Variants in ADGRL3 observed in about 807,000 individuals in gnomAD.
ADGRL3 encodes adhesion G protein-coupled receptor L3, also known as calcium-independent alpha-latrotoxin receptor 3.
ADGRL3 carries 62 observed loss-of-function variants against 153.5 expected under a neutral mutation model. The observed-to-expected ratio is 0.40, with a 90% confidence interval of 0.33 to 0.50. ADGRL3 has a LOEUF of 0.50. ADGRL3 is among the 20% of genes least tolerant of loss of function. ADGRL3 has a pLI of 0.47. For synonymous variants in ADGRL3, 710 were observed against 672.5 expected (o/e 1.06, Z -0.86); for missense variants, 1,641 against 1,859.4 (o/e 0.88, Z 2.16).
In ADGRL3 at chr4:61,338,967, G is replaced by T. The variant is rs185028457; in HGVS notation, c.-239-44157G>T. ...CAAACTTAACTCATGTTTTACACAT[G>T]AAAAGTAATCCTTATCTATCCCACA... On this transcript the variant is annotated intron_variant, in intron 1 of 26. Transcript: ENST00000683033. Among the ~76,000 whole-genome samples the T allele has an allele frequency of 7.1e-4, 108 of 152,262 alleles. No homozygotes were observed. The Middle Eastern group carries it at 0.014, about 19-fold the overall frequency.
intron 5 of ADGRL3, among the ~76,000 whole-genome samples, chr4:61,607,301 C>A (rs983045483): frequency 5.3e-5 from 8 of 152,012 alleles, no homozygotes; most frequent in Non-Finnish European, 8.8e-5. Flanking sequence ...TGAAAAAAGT[C>A]TCAAAAGACC....
intron 21 of ADGRL3, among the ~76,000 whole-genome samples, chr4:62,003,841 A>G (rs1219206002): frequency 1.3e-5 from 2 of 152,088 alleles, no homozygotes; most frequent in African/African-American, 4.8e-5. Flanking sequence ...TGGAATGCTC[A>G]TTTGATTAAT....
At chr4:61,515,193 G>A (rs10029192) in intron 3 of ADGRL3, among the ~76,000 whole-genome samples, 79,668 of 151,832 alleles carry the variant, frequency 0.52, 22,717 homozygotes, top group East Asian at 0.73. Context: ...ATACCCAGCC[G>A]TTGTGCTATT....
intron 5 of ADGRL3, among the ~76,000 whole-genome samples, chr4:61,627,495 C>G (rs1183697506): frequency 2.0e-5 from 3 of 152,038 alleles, no homozygotes; most frequent in Non-Finnish European, 4.4e-5. Flanking sequence ...GTGGCGGGTG[C>G]CTGTGATCCC....
chr4:61,509,316 C>A (rs1056447802), intron 3 of ADGRL3, among the ~76,000 whole-genome samples: 1 of 151,934 alleles, frequency 6.6e-6, no homozygotes, highest in Non-Finnish European at 1.5e-5. Context: ...TTAGTAGAGA[C>A]AGGGTCTTGC....
At chr4:61,273,779 C>T (rs965754840) in intron 1 of ADGRL3, among the ~76,000 whole-genome samples, 1 of 152,040 alleles carries the variant, frequency 6.6e-6, no homozygotes, top group African/African-American at 2.4e-5. Flanking sequence ...CCCCGCACCC[C>T]GTGGAATTGG....
At chr4:61,900,913 G>C (rs149574478) in intron 11 of ADGRL3, among the ~76,000 whole-genome samples, 1 of 152,104 alleles carries the variant, frequency 6.6e-6, no homozygotes, top group Non-Finnish European at 1.5e-5. Context: ...CAAAATACCC[G>C]ATTTCTCACC....
chr4:61,968,496 A>T (rs183075492), intron 17 of ADGRL3, among the ~76,000 whole-genome samples: 1 of 152,190 alleles, frequency 6.6e-6, no homozygotes, highest in Non-Finnish European at 1.5e-5. Context: ...CTTTTGCTCC[A>T]TGCTTTGAAA....
chr4:61,547,764 A>T (rs1481245784), intron 4 of ADGRL3, among the ~76,000 whole-genome samples: 1 of 152,116 alleles, frequency 6.6e-6, no homozygotes, highest in Non-Finnish European at 1.5e-5. Flanking sequence ...CTTTGGGTAT[A>T]TACCCTATAA....
intron 21 of ADGRL3, among the ~76,000 whole-genome samples, chr4:62,013,615 C>A (rs2099197361): frequency 6.6e-6 from 1 of 151,904 alleles, no homozygotes; most frequent in Non-Finnish European, 1.5e-5. Context: ...AACGGCCGGG[C>A]ATGGTGACTT....
intron 1 of ADGRL3, among the ~76,000 whole-genome samples, chr4:61,291,221 C>CACACAT (rs1411429546): frequency 6.6e-5 from 10 of 151,054 alleles, no homozygotes; most frequent in Admixed American, 6.0e-4. Flanking sequence ...CACACACGCA[C>CACACAT]ACACACACAC....
At chr4:61,302,715 A>G (rs908825754) in intron 1 of ADGRL3, among the ~76,000 whole-genome samples, 2 of 152,116 alleles carry the variant, frequency 1.3e-5, no homozygotes, top group African/African-American at 4.8e-5. Flanking sequence ...ATATAACTAT[A>G]AAGTAGTGTA....
intron 4 of ADGRL3, among the ~76,000 whole-genome samples, chr4:61,574,345 A>G (rs954590908): frequency 6.6e-6 from 1 of 152,000 alleles, no homozygotes; most frequent in African/African-American, 2.4e-5. Context: ...TGTAACTATC[A>G]TTCATAAAAA....
intron 4 of ADGRL3, among the ~76,000 whole-genome samples, chr4:61,548,317 C>T (rs546276199): frequency 6.6e-6 from 1 of 152,092 alleles, no homozygotes; most frequent in South Asian, 2.1e-4. Flanking sequence ...GTTGTTGTTG[C>T]AATTGCTTTT....
chr4:61,976,187 T>C (rs1218105900), intron 17 of ADGRL3, among the ~76,000 whole-genome samples: 2 of 152,192 alleles, frequency 1.3e-5, no homozygotes, highest in Non-Finnish European at 2.9e-5. Context: ...GTTTGTTTTA[T>C]AGGTGATTGA....
chr4:62,023,549 G>A (rs1315785491), intron 21 of ADGRL3, among the ~76,000 whole-genome samples: 2 of 152,034 alleles, frequency 1.3e-5, no homozygotes, highest in Non-Finnish European at 2.9e-5. Flanking sequence ...AGAGTTAATC[G>A]ATGTGGCAAA....
intron 1 of ADGRL3, among the ~76,000 whole-genome samples, chr4:61,280,374 T>A (rs1028799750): frequency 1.3e-5 from 2 of 151,924 alleles, no homozygotes; most frequent in African/African-American, 4.8e-5. Context: ...CCCAAAGTGC[T>A]GGGATTTCAG....
chr4:61,789,132 T>C (rs1046078692), intron 8 of ADGRL3, among the ~76,000 whole-genome samples: 3 of 152,148 alleles, frequency 2.0e-5, no homozygotes, highest in African/African-American at 7.2e-5. Flanking sequence ...TTTTTTTACT[T>C]ATTTTTGGGA....
intron 6 of ADGRL3, among the ~76,000 whole-genome samples, chr4:61,711,458 T>C (rs1034833022): frequency 2.0e-4 from 7 of 34,662 alleles, no homozygotes; most frequent in African/African-American, 7.1e-4. Context: ...ATATGCTTCA[T>C]TATATATATA....
Sources: gnomAD v4.1 joint callset for allele counts (sites outside exome capture counted in the v4.1 genomes callset) on GRCh38, gnomAD v4.1.1 for gene constraint, MANE v1.5 for transcripts, NCBI Gene and HGNC (gene_info 2026-07-23, HGNC 2026-07-21) for gene names.